PCBP3: variants seen among roughly 807,000 people sequenced by gnomAD.
The protein encoded by PCBP3 is poly(rC) binding protein 3.
PCBP3 carries 25 observed loss-of-function variants against 52.7 expected under a neutral mutation model. The ratio of observed to expected loss-of-function variants is 0.47; its 90% CI spans 0.35 to 0.66. The LOEUF (loss-of-function observed/expected upper bound fraction) is 0.66, where lower values mean the gene tolerates loss of function less well. Among genes scored for constraint, PCBP3 ranks in the 30% least tolerant of loss-of-function variants. PCBP3 has a pLI of 0.01. For synonymous variants in PCBP3, 162 were observed against 183.0 expected (o/e 0.89, Z 0.93); for missense variants, 391 against 490.3 (o/e 0.80, Z 1.91).
chr21:45,866,690 G>C (rs920909105), intron 5 of PCBP3, among the ~76,000 whole-genome samples: 5 of 152,142 alleles, frequency 3.3e-5, no homozygotes, highest in African/African-American at 1.2e-4. Flanking sequence ...GAGGTGTTCA[G>C]GCTGGCCCCA....
chr21:45,673,113 C>A (rs1603231019), intron 2 of PCBP3, among the ~76,000 whole-genome samples: 1 of 152,314 alleles, frequency 6.6e-6, no homozygotes, highest in South Asian at 2.1e-4. Context: ...ATTATGGTGT[C>A]ACCCTCTTCA....
rs535548450 is a variant in PCBP3 at position 45,821,675 on chromosome 21, G to A, written c.-125-28286G>A. Among the ~76,000 whole-genome samples, 8 of 152,018 alleles carry A rather than the reference G, an allele frequency of 5.3e-5. No individual in the cohort carries two copies. The East Asian group carries it at 5.8e-4, about 11-fold the overall frequency. ...TCCTCCCGTGTGATGCTGACTGCTCGTGACATGTTGCAGCCTGTCTCTGCT... is the reference window on the plus strand; with the variant it reads ...TCCTCCCGTGTGATGCTGACTGCTCATGACATGTTGCAGCCTGTCTCTGCT... On this transcript the variant is annotated intron_variant, in intron 4 of 17. Coordinates refer to ENST00000681687, the MANE Select transcript of PCBP3 (RefSeq NM_001384156.1). The surrounding 1 kb of genome is among the most constrained non-coding windows in gnomAD (Gnocchi z 4.4).
At chr21:45,881,080 G>C (rs377527941) in intron 5 of PCBP3, among the ~76,000 whole-genome samples, 2 of 152,206 alleles carry the variant, frequency 1.3e-5, no homozygotes, top group African/African-American at 4.8e-5. Context: ...CAAGCTGAGC[G>C]AGTTCCCCTC....
Position 45,650,324 on chromosome 21 carries a change from C to A in PCBP3, c.-279+6456C>A, listed in dbSNP as rs147608435. 3.4e-3 allele frequency among the ~76,000 whole-genome samples: 515 copies of A among 152,214 alleles called. 2 individuals carry two copies. The highest frequency in any genetic ancestry group is 0.012 in the African/African-American group (484 of 41,526). The stretch of plus-strand genomic sequence containing the variant: ...CTGCACTCCAGCCTAAATTATTGGA[C>A]CCAATATGCAAATATTTGGGATTTT... On this transcript the variant is annotated intron_variant, in intron 1 of 17. Transcript: ENST00000681687.
At chr21:45,678,312 A>T (rs906023820) in intron 2 of PCBP3, among the ~76,000 whole-genome samples, 34 of 151,692 alleles carry the variant, frequency 2.2e-4, no homozygotes, top group African/African-American at 7.5e-4. Flanking sequence ...TCTCAAAAAA[A>T]AAAAAAAATA....
chr21:45,646,053 TTCTCTC>T (rs10682556), intron 1 of PCBP3, among the ~76,000 whole-genome samples: 80 of 71,528 alleles, frequency 1.1e-3, no homozygotes, highest in African/African-American at 2.9e-3. Flanking sequence ...TGTCACCTGT[TTCTCTC>T]TCTCTCTCTC....
rs1206207801 is a variant in PCBP3 at position 45,646,083 on chromosome 21, T to TC, written c.-279+2215_-279+2216insC. Among the ~76,000 whole-genome samples, 13 of 99,608 alleles carry TC rather than the reference T, an allele frequency of 1.3e-4. 2 individuals carry two copies. The highest frequency in any genetic ancestry group is 1.7e-4 in the African/African-American group (4 of 23,464). The allele number at this position is 99,608 out of a possible 152,430, so 65.3% of individuals were successfully genotyped here. A position where few individuals can be genotyped will look rare whatever the true frequency, so the allele number is the denominator to read the frequency against. On this transcript the variant is annotated intron_variant, in intron 1 of 17. Transcript: ENST00000681687. ...TCTCTCTCTCTCTCTCTCTCTCTCT[T>TC]TCTCTCTCTCTCTCTCTCTCTCTCT...
intron 4 of PCBP3, among the ~76,000 whole-genome samples, chr21:45,804,697 G>C (rs528692892): frequency 6.6e-6 from 1 of 152,234 alleles, no homozygotes; most frequent in African/African-American, 2.4e-5. Flanking sequence ...AAATCACAGT[G>C]ACTTTCAGGA....
intron 5 of PCBP3, among the ~76,000 whole-genome samples, chr21:45,857,641 T>A (rs149717840): frequency 4.6e-5 from 7 of 152,254 alleles, no homozygotes; most frequent in African/African-American, 1.7e-4. Flanking sequence ...CCCTAAACCA[T>A]ATAAAACCAG....
chr21:45,824,568 C>T (rs1603444727), intron 4 of PCBP3, among the ~76,000 whole-genome samples: 1 of 152,242 alleles, frequency 6.6e-6, no homozygotes, highest in Non-Finnish European at 1.5e-5. Context: ...TAAATCTCTG[C>T]TTCCGCAACA....
intron 13 of PCBP3, among the ~76,000 whole-genome samples, chr21:45,924,060 AG>A (rs1394182809): frequency 7.7e-6 from 1 of 130,270 alleles, no homozygotes; most frequent in Non-Finnish European, 1.6e-5. Flanking sequence ...GGGTAGAAAC[AG>A]CACACGTAAG....
chr21:45,902,640 G>A (rs1603482641), intron 9 of PCBP3, among the ~76,000 whole-genome samples: 1 of 152,214 alleles, frequency 6.6e-6, no homozygotes, highest in Non-Finnish European at 1.5e-5. Flanking sequence ...GACCAAGAGC[G>A]CCGTTACCCA....
chr21:45,818,208 A>G (rs2093024829), intron 4 of PCBP3, among the ~76,000 whole-genome samples: 1 of 152,020 alleles, frequency 6.6e-6, no homozygotes, highest in African/African-American at 2.4e-5. Context: ...ATTTTAATAG[A>G]GACGGGGTTT....
chr21:45,738,484 G>C (rs888783544), intron 3 of PCBP3, among the ~76,000 whole-genome samples: 3 of 151,778 alleles, frequency 2.0e-5, no homozygotes, highest in African/African-American at 7.3e-5. Context: ...TCGATCTCCT[G>C]ACCTCGTGAT....
chr21:45,713,755 A>G (rs1222881821), intron 2 of PCBP3, among the ~76,000 whole-genome samples: 4 of 152,188 alleles, frequency 2.6e-5, no homozygotes, highest in Middle Eastern at 3.2e-3. Context: ...GCTGATGAGA[A>G]TGACGCTGCA....
At chr21:45,896,074 G>A in intron 5 of PCBP3, 134 bp from the exon 6 acceptor site, 3 of 774,398 alleles carry the variant, frequency 3.9e-6, no homozygotes, top group Non-Finnish European at 4.2e-6. Flanking sequence ...GCGAGGCCTG[G>A]TCAGCACATG....
At chr21:45,879,528 C>T (rs2095350513) in intron 5 of PCBP3, among the ~76,000 whole-genome samples, 1 of 152,120 alleles carries the variant, frequency 6.6e-6, no homozygotes, top group African/African-American at 2.4e-5. Context: ...TTTTTATGTG[C>T]ACATGGGATG....
At chr21:45,895,291 G>A (rs73907906) in intron 5 of PCBP3, among the ~76,000 whole-genome samples, 1,835 of 152,286 alleles carry the variant, frequency 0.012, 45 homozygotes, top group African/African-American at 0.041. Flanking sequence ...TGTGTGAACC[G>A]GTTGAATCAA....
chr21:45,942,009 GCTGT>G lies in PCBP3; in HGVS notation c.*310_*313del, dbSNP rs1013562418. ...AATATTGTTCCTTGGTGTCAGCGTAGCTGTCTGTCTTAGGAGCTGGGTCGGCGTT... is the reference window on the plus strand; with the variant it reads ...AATATTGTTCCTTGGTGTCAGCGTAGCTGTCTTAGGAGCTGGGTCGGCGTT... On this transcript the variant is annotated 3_prime_UTR_variant, in exon 18 of 18. Coordinates refer to ENST00000681687, the MANE Select transcript of PCBP3 (RefSeq NM_001384156.1). 1 of 341,078 alleles carries G rather than the reference GCTGT, an allele frequency of 2.9e-6. No individual in the cohort carries two copies. Among genetic ancestry groups the G allele is most frequent in the Non-Finnish European group, 5.3e-6 (1 of 189,102 alleles). The allele number at this position is 341,078 out of a possible 1,614,324, so 21.1% of individuals were successfully genotyped here. A position where few individuals can be genotyped will look rare whatever the true frequency, so the allele number is the denominator to read the frequency against.
Sources: allele counts gnomAD v4.1 joint callset (sites outside exome capture counted in the v4.1 genomes callset), GRCh38; gene constraint gnomAD v4.1.1; non-coding constraint Gnocchi (gnomAD v3.1); transcripts MANE v1.5; gene names NCBI Gene and HGNC (gene_info 2026-07-23, HGNC 2026-07-21).